UBE4B: variants seen among roughly 807,000 people sequenced by gnomAD.
UBE4B encodes the protein ubiquitin conjugation factor E4 B.
In UBE4B, 27 loss-of-function variants were observed where a neutral mutation model predicts 148.1. The observed-to-expected ratio is 0.18, with a 90% CI of 0.13 to 0.25. The LOEUF is 0.25. UBE4B is among the 10% of genes least tolerant of loss of function. UBE4B has a pLI of 1.00. For missense variants in UBE4B, 1,170 were observed against 1,662.4 expected (o/e 0.70, Z 5.15); for synonymous variants, 596 against 619.3 (o/e 0.96, Z 0.56).
At chr1:10,081,619 G>A (rs1280729150) in intron 2 of UBE4B, among the ~76,000 whole-genome samples, 1 of 149,884 alleles carries the variant, frequency 6.7e-6, no homozygotes, top group East Asian at 2.0e-4. Context: ...TTGGAGTTTC[G>A]CTCTTGTCAC....
At chr1:10,159,829 G>A (rs1050448386) in intron 22 of UBE4B, among the ~76,000 whole-genome samples, 2 of 152,206 alleles carry the variant, frequency 1.3e-5, no homozygotes, top group African/African-American at 2.4e-5. Flanking sequence ...ATAACTATTT[G>A]CCAGATAGAT....
At chr1:10,072,755 G>A in intron 2 of UBE4B, 1 of 358,422 alleles carries the variant, frequency 2.8e-6, no homozygotes, top group Non-Finnish European at 5.0e-6. Flanking sequence ...GACTGTCTTT[G>A]TTGGGAAATG....
intron 25 of UBE4B, among the ~76,000 whole-genome samples, chr1:10,172,471 T>A (rs1469044424): frequency 6.6e-6 from 1 of 152,206 alleles, no homozygotes; most frequent in Admixed American, 6.5e-5. Flanking sequence ...GACAGAGGCA[T>A]GATCCATGTC....
chr1:10,111,882 G>C (rs1377405000), intron 7 of UBE4B, among the ~76,000 whole-genome samples: 1 of 151,898 alleles, frequency 6.6e-6, no homozygotes, highest in African/African-American at 2.4e-5. Context: ...ACTTGAATCC[G>C]GGAGGCAGAG....
Position 10,168,374 on chromosome 1 carries a change from C to A in UBE4B, c.3333+104C>A. 1 of 1,469,052 alleles carries A rather than the reference C, an allele frequency of 6.8e-7. No individual in the cohort carries two copies. Among genetic ancestry groups the A allele is most frequent in the Non-Finnish European group, 9.1e-7 (1 of 1,098,102 alleles). 91.0% of individuals were successfully genotyped at this position (1,469,052 alleles called of 1,614,324 possible). On this transcript the variant is annotated intron_variant, in intron 24 of 27. Transcript: ENST00000343090. The surrounding 1 kb of genome is among the most constrained non-coding windows in gnomAD (Gnocchi z 4.9). Reference sequence around the variant, plus strand: ...TGAAGTTCTGGAAATTTTAGGATCACAGTCATCAATAAGTGAAATTCTGTG... The same window carrying A: ...TGAAGTTCTGGAAATTTTAGGATCAAAGTCATCAATAAGTGAAATTCTGTG...
In UBE4B at chr1:10,158,460, G is replaced by A; in HGVS notation, c.3031G>A (p.Gly1011Ser). 6.2e-7 allele frequency: 1 copy of A among 1,614,056 alleles called. No homozygotes were observed. The highest frequency in any genetic ancestry group is 8.5e-7 in the Non-Finnish European group (1 of 1,180,000). Residue 1011 changes from glycine (G) to serine (S), a missense_variant, in exon 22 of 28, where the codon GGC becomes AGC. Physicochemically the swap from Gly to Ser is moderately conservative, Grantham distance 56. This residue lies in a region of UBE4B where 348 missense variants were observed against 627.2 expected (regional missense o/e 0.55). Transcript: ENST00000343090. ...CCTTTGGCAAAACATAGCTCACCAT[G>A]GCACCTTTATGGAGGAGTTCAAGTG... ...KSLWQNIAHH[G>S]TFMEEFNSGK...
intron 17 of UBE4B, among the ~76,000 whole-genome samples, chr1:10,139,222 C>T (rs974729639): frequency 4.6e-5 from 7 of 151,960 alleles, no homozygotes; most frequent in Non-Finnish European, 1.5e-5. Flanking sequence ...ATAGTGAAAA[C>T]CCGTCTCTAC....
chr1:10,117,371 C>T, intron 7 of UBE4B, 88 bp from the exon 8 acceptor site: 1 of 1,568,408 alleles, frequency 6.4e-7, no homozygotes. Flanking sequence ...GTACAGGGAT[C>T]CTAACAGGCT....
chr1:10,083,665 G>C (rs2101852400), intron 2 of UBE4B, among the ~76,000 whole-genome samples: 1 of 152,224 alleles, frequency 6.6e-6, no homozygotes, highest in African/African-American at 2.4e-5. Context: ...GAAGCCCCAA[G>C]GCCTGAGGGC....
At chr1:10,160,727 G>A (rs1219613772) in intron 22 of UBE4B, among the ~76,000 whole-genome samples, 1 of 152,096 alleles carries the variant, frequency 6.6e-6, no homozygotes, top group Non-Finnish European at 1.5e-5. Flanking sequence ...TGGGAGGAAC[G>A]CTTGAGCCCA....
At chr1:10,084,090 C>T (rs1449994370) in intron 2 of UBE4B, among the ~76,000 whole-genome samples, 1 of 152,146 alleles carries the variant, frequency 6.6e-6, no homozygotes, top group Non-Finnish European at 1.5e-5. Context: ...TTACCAACTG[C>T]CTGCTTCTGA....
intron 12 of UBE4B, 95 bp from the exon 13 acceptor site, chr1:10,130,405 C>T: frequency 9.6e-7 from 1 of 1,042,210 alleles, no homozygotes. Context: ...TTAATAATAT[C>T]TTGTGAAAAT....
chr1:10,039,550 C>T (rs1463986807), intron 1 of UBE4B, among the ~76,000 whole-genome samples: 2 of 151,928 alleles, frequency 1.3e-5, no homozygotes, highest in African/African-American at 4.8e-5. Flanking sequence ...CTGCCTCAGC[C>T]TCCCAAGTAG....
intron 7 of UBE4B, among the ~76,000 whole-genome samples, chr1:10,115,909 C>A (rs929567880): frequency 3.3e-5 from 5 of 152,252 alleles, no homozygotes; most frequent in Middle Eastern, 3.4e-3. Flanking sequence ...AGAAAAGATA[C>A]AGTAAAAATA....
intron 2 of UBE4B, among the ~76,000 whole-genome samples, chr1:10,073,966 TG>T (rs1644534695): frequency 6.7e-6 from 1 of 149,176 alleles, no homozygotes; most frequent in Non-Finnish European, 1.5e-5. Context: ...CTCACTGGGT[TG>T]CCCAGGCTGG....
rs1261550779 is a variant in UBE4B, at chr1:10,096,816, A to T, written c.347+1220A>T. Among the ~76,000 whole-genome samples, 3 of 152,132 alleles carry T rather than the reference A, an allele frequency of 2.0e-5. No individual in the cohort carries two copies. In the East Asian group the frequency reaches 5.8e-4, roughly 29 times the overall value. On this transcript the variant is annotated intron_variant, in intron 3 of 27. Coordinates refer to ENST00000343090, the MANE Select transcript of UBE4B (RefSeq NM_001105562.3). ...AGCACTTTGGGAAACAGAGACATGG[A>T]TCACTTGAGGCCAGGAGTTCAAGAC...
At chr1:10,057,579 A>AT (rs978577368) in intron 1 of UBE4B, among the ~76,000 whole-genome samples, 48 of 149,044 alleles carry the variant, frequency 3.2e-4, no homozygotes, top group East Asian at 7.9e-4. Context: ...TAATTTTTTG[A>AT]TTTTTTTTTA....
At chr1:10,059,203 C>T (rs1471285915) in intron 1 of UBE4B, 1 of 151,556 alleles carries the variant, frequency 6.6e-6, no homozygotes, top group Non-Finnish European at 1.5e-5. Context: ...GCATTCCAGC[C>T]CTGGGGGACA....
chr1:10,139,225 G>A (rs1409615718), intron 17 of UBE4B, among the ~76,000 whole-genome samples: 3 of 151,684 alleles, frequency 2.0e-5, no homozygotes, highest in Admixed American at 6.6e-5. Flanking sequence ...GTGAAAACCC[G>A]TCTCTACTAC....
Sources: allele counts gnomAD v4.1 joint callset (sites outside exome capture counted in the v4.1 genomes callset), GRCh38; gene constraint gnomAD v4.1.1; regional missense constraint gnomAD v4.1.1; non-coding constraint Gnocchi (gnomAD v3.1); transcripts MANE v1.5; gene names NCBI Gene and HGNC (gene_info 2026-07-23, HGNC 2026-07-21).